The following RDX variants were observed in gnomAD, a reference collection of about 807,000 sequenced individuals.
RDX encodes the protein deafness, autosomal recessive 24.
RDX carries 32 observed loss-of-function variants against 83.7 expected under a neutral mutation model. The ratio of observed to expected loss-of-function variants is 0.38; its 90% confidence interval spans 0.29 to 0.51. The LOEUF is 0.51. RDX is among the 20% of genes least tolerant of loss of function. The probability of loss-of-function intolerance (pLI) is 0.87; values close to 1 mark genes in which losing one functional copy is unlikely to be tolerated. For synonymous variants in RDX, 229 were observed against 222.7 expected (o/e 1.03, Z -0.25); for missense variants, 600 against 689.9 (o/e 0.87, Z 1.46).
At chr11:110,275,298 G>A (rs117015347) in intron 2 of RDX, among the ~76,000 whole-genome samples, 1,662 of 152,240 alleles carry the variant, frequency 0.011, 11 homozygotes, top group Middle Eastern at 0.027. Context: ...CTTTAGAACA[G>A]GAAGATTATC....
At chr11:110,241,982 A>C (rs1591142597) in intron 10 of RDX, among the ~76,000 whole-genome samples, 1 of 152,174 alleles carries the variant, frequency 6.6e-6, no homozygotes, top group East Asian at 1.9e-4. Flanking sequence ...TCAAAATCAC[A>C]AAGACAAAAA....
At chr11:110,177,580 T>A (rs1158671699) in intron 15 of RDX, among the ~76,000 whole-genome samples, 1 of 152,206 alleles carries the variant, frequency 6.6e-6, no homozygotes, top group Non-Finnish European at 1.5e-5. Flanking sequence ...TCATCACCTT[T>A]GCCTCACCTT....
At chr11:110,182,147 G>C (rs547217321) in intron 15 of RDX, among the ~76,000 whole-genome samples, 1 of 152,346 alleles carries the variant, frequency 6.6e-6, no homozygotes, top group East Asian at 1.9e-4. Flanking sequence ...TGAGCTCTCA[G>C]CGAGTGAGGA....
intron 5 of RDX, among the ~76,000 whole-genome samples, chr11:110,259,460 C>G (rs1859709675): frequency 6.6e-6 from 1 of 152,092 alleles, no homozygotes; most frequent in Non-Finnish European, 1.5e-5. Flanking sequence ...TGCATGAAAC[C>G]CAAGGATTTC....
At chr11:110,222,592 C>T (rs12293906) in intron 14 of RDX, among the ~76,000 whole-genome samples, 6,166 of 152,130 alleles carry the variant, frequency 0.041, 424 homozygotes, top group African/African-American at 0.14. Flanking sequence ...GTCAGGAAAT[C>T]GAGACCATCC....
At chr11:110,235,987 T>G (rs2134308536) in intron 12 of RDX, 112 bp downstream of exon 12, 3 of 789,144 alleles carry the variant, frequency 3.8e-6, no homozygotes, top group Middle Eastern at 3.5e-4. Context: ...ATAACACGAG[T>G]ATCTTTCCCA....
At chr11:110,209,315 C>T (rs915229264) in intron 14 of RDX, among the ~76,000 whole-genome samples, 6 of 152,258 alleles carry the variant, frequency 3.9e-5, no homozygotes, top group East Asian at 1.9e-4. Context: ...AGATTATATC[C>T]GGCACCTGGC....
At chr11:110,263,135 CA>C (rs1859869429) in intron 5 of RDX, among the ~76,000 whole-genome samples, 1 of 152,014 alleles carries the variant, frequency 6.6e-6, no homozygotes, top group Admixed American at 6.6e-5. Context: ...ATTAGCTGGG[CA>C]TGGCGGCAGA....
chr11:110,205,061 C>T (rs188349505), intron 14 of RDX, among the ~76,000 whole-genome samples: 1 of 152,010 alleles, frequency 6.6e-6, no homozygotes, highest in Admixed American at 6.6e-5. Context: ...GGGATAGAAA[C>T]ACTGACCAAT....
downstream of RDX, among the ~76,000 whole-genome samples, chr11:110,228,776 T>A (rs1440696641): frequency 6.6e-6 from 1 of 151,872 alleles, no homozygotes; most frequent in East Asian, 1.9e-4. Context: ...TAACATAACT[T>A]TATAAGGGGC....
rs569942961 is a variant in RDX, at chr11:110,261,318, A to G, written c.467+2642T>C. Among the ~76,000 whole-genome samples the G allele has an allele frequency of 8.1e-4, 123 of 152,220 alleles. 1 individual carries two copies. Among genetic ancestry groups the G allele is most frequent in the Non-Finnish European group, 1.5e-3 (99 of 68,026 alleles). On this transcript the variant is annotated intron_variant, in intron 5 of 13. Coordinates refer to ENST00000645495, the MANE Select transcript of RDX (RefSeq NM_002906.4). The stretch of plus-strand genomic sequence containing the variant: ...CGCCCAAGTCAGAAACCTGGTATGT[A>G]AAAGTTTATGTATATTTAGCTCTTT...
intron 14 of RDX, among the ~76,000 whole-genome samples, chr11:110,205,086 T>C (rs1863553991): frequency 6.6e-6 from 1 of 151,624 alleles, no homozygotes; most frequent in South Asian, 2.1e-4. Context: ...CAGATGAGAG[T>C]ATAACAGAAC....
At chr11:110,202,315 C>A (rs1432924381) in intron 14 of RDX, among the ~76,000 whole-genome samples, 1 of 151,932 alleles carries the variant, frequency 6.6e-6, no homozygotes, top group African/African-American at 2.4e-5. Context: ...ATCGCTTGAA[C>A]CCTGGAGGCA....
intron 15 of RDX, among the ~76,000 whole-genome samples, chr11:110,177,204 A>G (rs1455563530): frequency 2.0e-5 from 3 of 152,210 alleles, no homozygotes; most frequent in Non-Finnish European, 2.9e-5. Context: ...AGGAACGGTG[A>G]GACTCCAACC....
Position 110,251,567 on chromosome 11 carries a change from G to T in RDX, c.959+2379C>A, listed in dbSNP as rs77330182. The stretch of plus-strand genomic sequence containing the variant: ...AGATTTATCTAGTTCCAAAGCCTGT[G>T]TTCTTTGTATGACACTAGCCAGCCT... On this transcript the variant is annotated intron_variant, in intron 9 of 13. Coordinates refer to ENST00000645495, the MANE Select transcript of RDX (RefSeq NM_002906.4). 1.9e-3 allele frequency among the ~76,000 whole-genome samples: 291 copies of T among 152,244 alleles called. 9 individuals are homozygous for T. In the East Asian group the frequency reaches 0.044, roughly 23 times the overall value.
intron 10 of RDX, chr11:110,237,916 C>G (rs1056672432): frequency 7.6e-6 from 3 of 396,862 alleles, no homozygotes; most frequent in African/African-American, 4.1e-5. Context: ...GGACTACAGG[C>G]GCTATACCTC....
Position 110,233,351 on chromosome 11 carries a change from C to T in RDX, c.1473G>A (p.Glu491=), listed in dbSNP as rs1305949801. The change falls in exon 13 of 14, where the codon GAG becomes GAA. Residue 491 remains glutamate (E), a synonymous_variant. Transcript: ENST00000645495. The part of the protein sequence containing the change: ...PTENEHDEHD[E]NNAEASAELS... ...ATTCAGCACTAGCTTCAGCATTATT[C>T]TCATCGTGTTCATCATGTTCGTTTT... 2 of 1,613,984 alleles carry T rather than the reference C, an allele frequency of 1.2e-6. No homozygotes were observed. Among genetic ancestry groups the T allele is most frequent in the Non-Finnish European group, 1.7e-6 (2 of 1,180,026 alleles).
At chr11:110,195,969 G>A (rs1344185934) in intron 15 of RDX, 1 of 152,276 alleles carries the variant, frequency 6.6e-6, no homozygotes, top group Non-Finnish European at 1.5e-5. Flanking sequence ...AGAGGGGTCT[G>A]GAGAGAAAGA....
At chr11:110,287,423 A>G (rs1861028846) in intron 1 of RDX, among the ~76,000 whole-genome samples, 1 of 152,346 alleles carries the variant, frequency 6.6e-6, no homozygotes, top group Non-Finnish European at 1.5e-5. Context: ...GTCTATACTC[A>G]TAACAAGAAA....
Sources: allele counts gnomAD v4.1 joint callset (sites outside exome capture counted in the v4.1 genomes callset), GRCh38; gene constraint gnomAD v4.1.1; transcripts MANE v1.5; gene names NCBI Gene and HGNC (gene_info 2026-07-23, HGNC 2026-07-21).